Variants in GABRA5 observed in about 807,000 individuals in gnomAD.
The protein encoded by GABRA5 is gamma-aminobutyric acid receptor subunit alpha-5.
A neutral mutation model predicts 47.3 loss-of-function variants in GABRA5; 18 were observed. The ratio of observed to expected loss-of-function variants is 0.38; its 90% CI spans 0.26 to 0.56. GABRA5 has a LOEUF of 0.56. GABRA5 is among the 20% of genes least tolerant of loss of function. The pLI is 0.71. For missense variants in GABRA5, 365 were observed against 599.3 expected (o/e 0.61, Z 4.08); for synonymous variants, 237 against 229.3 (o/e 1.03, Z -0.30).
chr15:26,868,365 G>A (rs1434970047), intron 1 of GABRA5, among the ~76,000 whole-genome samples: 1 of 152,068 alleles, frequency 6.6e-6, no homozygotes, highest in African/African-American at 2.4e-5. Context: ...TCCCAATTCC[G>A]GAGTTTGCGG....
chr15:26,879,813 C>A (rs1892684824), intron 3 of GABRA5, among the ~76,000 whole-genome samples: 1 of 152,188 alleles, frequency 6.6e-6, no homozygotes, highest in African/African-American at 2.4e-5. Flanking sequence ...GGCCCCACAG[C>A]TGGGCACTTC....
intron 3 of GABRA5, among the ~76,000 whole-genome samples, chr15:26,877,034 G>T (rs947360216): frequency 1.3e-5 from 2 of 152,202 alleles, no homozygotes; most frequent in African/African-American, 4.8e-5. Context: ...GGCAAGAATG[G>T]AGAACCTCCA....
At chr15:26,888,161 T>C (rs1483043736) in intron 6 of GABRA5, among the ~76,000 whole-genome samples, 1 of 152,214 alleles carries the variant, frequency 6.6e-6, no homozygotes, top group African/African-American at 2.4e-5. Context: ...CTGGAACTTA[T>C]CCATGATGTT....
At chr15:26,936,987 G>C (rs146873365) in intron 7 of GABRA5, among the ~76,000 whole-genome samples, 198 bp from the exon 8 acceptor site, 88 of 152,276 alleles carry the variant, frequency 5.8e-4, no homozygotes, top group Non-Finnish European at 8.7e-4. Context: ...CTGGCACCCA[G>C]GCCTTTAGAC....
At chr15:26,878,913 A>G (rs544157881) in intron 3 of GABRA5, among the ~76,000 whole-genome samples, 1 of 152,318 alleles carries the variant, frequency 6.6e-6, no homozygotes, top group Admixed American at 6.5e-5. Context: ...AAACTGGCAG[A>G]GCAGGAGTGT....
At chr15:26,927,643 C>G (rs138580889) in intron 7 of GABRA5, among the ~76,000 whole-genome samples, 30 of 152,268 alleles carry the variant, frequency 2.0e-4, no homozygotes, top group Middle Eastern at 3.4e-3. Flanking sequence ...TGCTATTCAA[C>G]AAAGTTTTTT....
intron 7 of GABRA5, among the ~76,000 whole-genome samples, chr15:26,930,008 T>G (rs1566883532): frequency 2.5e-5 from 1 of 40,130 alleles, no homozygotes; most frequent in African/African-American, 8.2e-5. Flanking sequence ...TTCTTCTTCT[T>G]TTTTTTTTTT....
intron 6 of GABRA5, among the ~76,000 whole-genome samples, chr15:26,904,704 G>C (rs757103027): frequency 6.6e-6 from 1 of 152,002 alleles, no homozygotes; most frequent in Non-Finnish European, 1.5e-5. Flanking sequence ...GTATTCCTAG[G>C]TATTTCATTC....
At chr15:26,939,390 C>T (rs1385294601) in intron 8 of GABRA5, 7 of 765,142 alleles carry the variant, frequency 9.1e-6, no homozygotes, top group Non-Finnish European at 1.7e-5. Context: ...TGGTAGGTGG[C>T]AGAAGGGTTG....
intron 8 of GABRA5, among the ~76,000 whole-genome samples, chr15:26,938,976 GACC>G (rs530086979): frequency 3.3e-5 from 5 of 152,238 alleles, no homozygotes; most frequent in Non-Finnish European, 7.3e-5. Flanking sequence ...TGCAGCAGCA[GACC>G]ACTACTCTGA....
At chr15:26,886,359 C>T (rs958477431) in intron 6 of GABRA5, among the ~76,000 whole-genome samples, 1 of 152,168 alleles carries the variant, frequency 6.6e-6, no homozygotes, top group Non-Finnish European at 1.5e-5. Context: ...ATGGGACACA[C>T]TCTATTCTCT....
At chr15:26,941,693 G>A (rs928696193) in intron 9 of GABRA5, among the ~76,000 whole-genome samples, 2 of 152,118 alleles carry the variant, frequency 1.3e-5, no homozygotes, top group African/African-American at 4.8e-5. Flanking sequence ...GTGTTGGCAG[G>A]GCTGGCTCCT....
In GABRA5 at chr15:26,867,116, G is replaced by T; in HGVS notation, c.-140+5G>T. ...GACATGTGGCGCTCGGGCGAGGTGA[G>T]AGCGGGCGCGAGTGCGCCGGGGGCG... On this transcript the variant is annotated splice_donor_5th_base_variant and intron_variant, in intron 1 of 10. Transcript: ENST00000335625. The surrounding 1 kb of genome is among the most constrained non-coding windows in gnomAD (Gnocchi z 5.9). 6.6e-6 allele frequency: 1 copy of T among 151,962 alleles called. No individual in the cohort carries two copies. Among genetic ancestry groups the T allele is most frequent in the South Asian group, 1.8e-4 (1 of 5,458 alleles). The allele number at this position is 151,962 out of a possible 1,614,324, so 9.4% of individuals were successfully genotyped here. A position where few individuals can be genotyped will look rare whatever the true frequency, so the allele number is the denominator to read the frequency against.
chr15:26,899,664 C>G (rs1003932415), intron 6 of GABRA5, among the ~76,000 whole-genome samples: 1 of 152,178 alleles, frequency 6.6e-6, no homozygotes, highest in Non-Finnish European at 1.5e-5. Context: ...AACAGAGCCA[C>G]TTATTATCAT....
chr15:26,944,704 A>G (rs529771994), intron 10 of GABRA5, among the ~76,000 whole-genome samples: 1 of 152,296 alleles, frequency 6.6e-6, no homozygotes, highest in Admixed American at 6.5e-5. Flanking sequence ...AGGAACGAGA[A>G]TGGAGTCTGG....
chr15:26,934,616 T>C (rs2098392804), intron 7 of GABRA5, among the ~76,000 whole-genome samples: 2 of 151,722 alleles, frequency 1.3e-5, no homozygotes, highest in Non-Finnish European at 2.9e-5. Context: ...TACTCGACAT[T>C]CACATATCCA....
intron 3 of GABRA5, among the ~76,000 whole-genome samples, chr15:26,869,626 C>G (rs1396371817): frequency 6.6e-6 from 1 of 152,222 alleles, no homozygotes; most frequent in African/African-American, 2.4e-5. Context: ...TCTTCCTACT[C>G]AGGTTAAAAC....
intron 3 of GABRA5, among the ~76,000 whole-genome samples, chr15:26,874,078 G>A (rs1047139114): frequency 1.3e-5 from 2 of 152,214 alleles, no homozygotes; most frequent in African/African-American, 4.8e-5. Context: ...TCGGGAGTGA[G>A]TCACCGACTC....
intron 9 of GABRA5, among the ~76,000 whole-genome samples, chr15:26,942,597 C>T (rs967620969): frequency 2.6e-5 from 4 of 152,156 alleles, no homozygotes; most frequent in Non-Finnish European, 2.9e-5. Context: ...TGCCTTAGTG[C>T]TGCAGAATCG....
Sources: gnomAD v4.1 joint callset for allele counts (sites outside exome capture counted in the v4.1 genomes callset) on GRCh38, gnomAD v4.1.1 for gene constraint, Gnocchi (gnomAD v3.1) non-coding constraint, MANE v1.5 for transcripts, NCBI Gene and HGNC (gene_info 2026-07-23, HGNC 2026-07-21) for gene names.